Variants in CNBD1 observed in about 807,000 individuals in gnomAD.
The protein encoded by CNBD1 is cyclic nucleotide binding domain containing 1, also known as cyclic nucleotide-binding domain-containing protein 1.
CNBD1 carries 71 observed loss-of-function variants against 54.4 expected under a neutral mutation model. That is an observed-to-expected ratio of 1.30 (90% CI 1.08 to 1.59). The LOEUF (loss-of-function observed/expected upper bound fraction) is 1.59, where lower values mean the gene tolerates loss of function less well. Among genes scored for constraint, CNBD1 ranks in the 40% most tolerant of loss-of-function variants. CNBD1 has a pLI of 0.00. For synonymous variants in CNBD1, 182 were observed against 170.7 expected, an observed-to-expected ratio of 1.07 and a Z score of -0.51; for missense variants, 659 against 518.0, an observed-to-expected ratio of 1.27 and a Z score of -2.64.
intron 10 of CNBD1, among the ~76,000 whole-genome samples, chr8:87,354,142 G>T (rs551846166): frequency 2.0e-5 from 3 of 152,246 alleles, no homozygotes; most frequent in Admixed American, 2.0e-4. Flanking sequence ...TCTGTGTCCT[G>T]TCCTTCCTGC....
At chr8:87,236,101 T>G (rs1322522255) in intron 5 of CNBD1, among the ~76,000 whole-genome samples, 1 of 152,150 alleles carries the variant, frequency 6.6e-6, no homozygotes, top group Non-Finnish European at 1.5e-5. Flanking sequence ...GTAAAGTTTC[T>G]AATTCTTTCA....
chr8:87,316,808 T>C (rs893751346), intron 8 of CNBD1, among the ~76,000 whole-genome samples: 4 of 151,832 alleles, frequency 2.6e-5, no homozygotes, highest in Non-Finnish European at 1.5e-5. Flanking sequence ...TTGATTTTAG[T>C]TGTGTATCGT....
intron 4 of CNBD1, among the ~76,000 whole-genome samples, chr8:87,150,025 A>C (rs1812569732): frequency 6.6e-6 from 1 of 151,946 alleles, no homozygotes; most frequent in African/African-American, 2.4e-5. Flanking sequence ...AAAATATAAA[A>C]ACTTAGCCTG....
At chr8:87,330,748 G>A (rs1809808559) in intron 8 of CNBD1, among the ~76,000 whole-genome samples, 1 of 152,164 alleles carries the variant, frequency 6.6e-6, no homozygotes, top group African/African-American at 2.4e-5. Context: ...ATAAGAATAT[G>A]TATGCTGCTG....
chr8:87,317,290 A>T (rs1416165211), intron 8 of CNBD1, among the ~76,000 whole-genome samples: 3 of 150,626 alleles, frequency 2.0e-5, no homozygotes, highest in Non-Finnish European at 4.4e-5. Context: ...TGTTGATTTG[A>T]GACTTTTTTT....
intron 5 of CNBD1, among the ~76,000 whole-genome samples, chr8:87,210,130 G>A (rs62527350): frequency 0.047 from 7,174 of 152,256 alleles, 211 homozygotes; most frequent in Non-Finnish European, 0.065. Flanking sequence ...TATGAGTGAC[G>A]ACTTACAGTA....
chr8:87,043,823 G>C (rs957105599), intron 4 of CNBD1, among the ~76,000 whole-genome samples: 2 of 152,154 alleles, frequency 1.3e-5, no homozygotes, highest in African/African-American at 4.8e-5. Flanking sequence ...CTTTAGCGTA[G>C]CAACAGCAAG....
At chr8:86,942,950 T>C (rs1807370678) in intron 4 of CNBD1, among the ~76,000 whole-genome samples, 1 of 152,180 alleles carries the variant, frequency 6.6e-6, no homozygotes, top group South Asian at 2.1e-4. Flanking sequence ...AATTAAACCA[T>C]GATCAGATTG....
chr8:87,333,450 G>A (rs1037764953), intron 8 of CNBD1, among the ~76,000 whole-genome samples: 1 of 152,122 alleles, frequency 6.6e-6, no homozygotes, highest in Non-Finnish European at 1.5e-5. Flanking sequence ...CCTGTCTTGT[G>A]CCAGCTTTCA....
intron 4 of CNBD1, among the ~76,000 whole-genome samples, chr8:87,019,723 CA>C (rs1417425169): frequency 9.2e-5 from 14 of 152,016 alleles, no homozygotes; most frequent in Admixed American, 8.5e-4. Context: ...ACTAAAAATA[CA>C]AAAATTAGCC....
At chr8:86,870,289 C>T (rs537251691) in intron 1 of CNBD1, among the ~76,000 whole-genome samples, 7 of 146,820 alleles carry the variant, frequency 4.8e-5, no homozygotes, top group Non-Finnish European at 1.0e-4. Flanking sequence ...CCTGAGTTCA[C>T]GCCATTCTCC....
intron 4 of CNBD1, among the ~76,000 whole-genome samples, chr8:87,064,942 C>T (rs1051812281): frequency 5.9e-5 from 9 of 151,924 alleles, no homozygotes; most frequent in African/African-American, 1.9e-4. Flanking sequence ...CTCAACTTAT[C>T]CCCTGTGTCT....
intron 3 of CNBD1, among the ~76,000 whole-genome samples, chr8:86,910,410 T>C (rs1243611727): frequency 6.6e-6 from 1 of 151,954 alleles, no homozygotes; most frequent in African/African-American, 2.4e-5. Flanking sequence ...GAAAAAGGAA[T>C]TTTTTTCAAC....
At chr8:86,892,302 T>C (rs1808780826) in intron 2 of CNBD1, among the ~76,000 whole-genome samples, 1 of 152,126 alleles carries the variant, frequency 6.6e-6, no homozygotes, top group Admixed American at 6.5e-5. Flanking sequence ...AACAGTTGGA[T>C]ACTTATAAAA....
At chr8:86,991,699 A>G (rs1416514405) in intron 4 of CNBD1, among the ~76,000 whole-genome samples, 2 of 44,422 alleles carry the variant, frequency 4.5e-5, no homozygotes, top group African/African-American at 2.3e-4. Context: ...TGTCCCAAAG[A>G]TTTGGTAAGT....
intron 4 of CNBD1, among the ~76,000 whole-genome samples, chr8:86,968,046 T>C (rs527481744): frequency 2.6e-5 from 4 of 152,252 alleles, no homozygotes; most frequent in Admixed American, 1.3e-4. Context: ...CTGAGTATTT[T>C]TCCCCCTCCC....
intron 4 of CNBD1, among the ~76,000 whole-genome samples, chr8:86,968,127 G>A (rs537703569): frequency 2.7e-4 from 41 of 152,172 alleles, no homozygotes; most frequent in Admixed American, 1.0e-3. Context: ...GATTTGGCTC[G>A]TCTGACAAAA....
chr8:87,407,845 T>C (rs1807676194), intron 2 of CNBD1, among the ~76,000 whole-genome samples: 1 of 152,068 alleles, frequency 6.6e-6, no homozygotes, highest in African/African-American at 2.4e-5. Flanking sequence ...GACTGCTTTG[T>C]ATTTTTTATT....
intron 4 of CNBD1, among the ~76,000 whole-genome samples, chr8:86,979,854 GATGAT>G (rs1808434628): frequency 6.6e-6 from 1 of 152,178 alleles, no homozygotes; most frequent in African/African-American, 2.4e-5. Context: ...ATGAAGAAAT[GATGAT>G]ATAAGAGCAA....
Sources: allele counts gnomAD v4.1 joint callset (sites outside exome capture counted in the v4.1 genomes callset), GRCh38; gene constraint gnomAD v4.1.1; transcripts MANE v1.5; gene names NCBI Gene and HGNC (gene_info 2026-07-23, HGNC 2026-07-21).